The following GAP43 variants were observed in gnomAD, a reference collection of about 807,000 sequenced individuals.
GAP43 encodes the protein growth associated protein 43.
A neutral mutation model predicts 18.6 loss-of-function variants in GAP43; 6 were observed. The ratio of observed to expected loss-of-function variants is 0.32; its 90% CI spans 0.18 to 0.64. The LOEUF is 0.64. Among genes scored for constraint, GAP43 ranks in the 30% least tolerant of loss-of-function variants. GAP43 has a pLI of 0.78. For missense variants in GAP43, 292 were observed against 295.5 expected (o/e 0.99, Z 0.09); for synonymous variants, 115 against 111.4 (o/e 1.03, Z -0.20).
intron 1 of GAP43, among the ~76,000 whole-genome samples, chr3:115,663,182 G>A (rs997744686): frequency 2.0e-5 from 3 of 152,048 alleles, no homozygotes; most frequent in East Asian, 1.9e-4. Flanking sequence ...CAATTTGTAC[G>A]GCATGCGTGA....
chr3:115,640,896 TTC>T (rs1576979181), intron 1 of GAP43, among the ~76,000 whole-genome samples: 1 of 151,736 alleles, frequency 6.6e-6, no homozygotes, highest in Non-Finnish European at 1.5e-5. Context: ...TTCTCTTTCT[TTC>T]TCTTTTTTCT....
chr3:115,653,373 C>T (rs770144018), intron 1 of GAP43, among the ~76,000 whole-genome samples: 22 of 152,044 alleles, frequency 1.4e-4, no homozygotes, highest in South Asian at 2.1e-4. Context: ...ACCTAGGAGG[C>T]GGAGGGTGCA....
intron 2 of GAP43, among the ~76,000 whole-genome samples, chr3:115,707,093 CT>C (rs1709374121): frequency 6.6e-6 from 1 of 151,944 alleles, no homozygotes; most frequent in Non-Finnish European, 1.5e-5. Flanking sequence ...TGTTAGGTCC[CT>C]TCTAGTCATA....
intron 2 of GAP43, among the ~76,000 whole-genome samples, chr3:115,713,313 G>A (rs1709464352): frequency 6.6e-6 from 1 of 152,212 alleles, no homozygotes; most frequent in African/African-American, 2.4e-5. Context: ...GCCCCAGGAT[G>A]ATAGCAGCTT....
intron 2 of GAP43, among the ~76,000 whole-genome samples, chr3:115,677,642 A>G (rs1016422111): frequency 1.1e-4 from 17 of 152,176 alleles, no homozygotes; most frequent in African/African-American, 3.9e-4. Flanking sequence ...TCAAAGATAA[A>G]GTTTCTTCTG....
chr3:115,669,628 A>G (rs1350838254), intron 1 of GAP43, among the ~76,000 whole-genome samples: 1 of 152,164 alleles, frequency 6.6e-6, no homozygotes, highest in South Asian at 2.1e-4. Flanking sequence ...AAAGAAAACA[A>G]CTTTTCAGAC....
intron 1 of GAP43, among the ~76,000 whole-genome samples, chr3:115,675,475 C>G (rs999949389): frequency 6.6e-6 from 1 of 152,006 alleles, no homozygotes; most frequent in Non-Finnish European, 1.5e-5. Flanking sequence ...GAAAATAATG[C>G]CAGTGGCCAG....
intron 1 of GAP43, among the ~76,000 whole-genome samples, chr3:115,645,978 T>C (rs28370257): frequency 4.6e-4 from 70 of 152,208 alleles, no homozygotes; most frequent in Non-Finnish European, 7.1e-4. Context: ...TTGTCACTTA[T>C]TGGAACTTTG....
intron 2 of GAP43, among the ~76,000 whole-genome samples, chr3:115,690,551 G>A (rs1709096044): frequency 6.6e-6 from 1 of 152,026 alleles, no homozygotes; most frequent in South Asian, 2.1e-4. Context: ...ATAAGATAGA[G>A]ATTAAAATGT....
At chr3:115,691,037 G>A (rs775432958) in intron 2 of GAP43, among the ~76,000 whole-genome samples, 5 of 151,940 alleles carry the variant, frequency 3.3e-5, no homozygotes, top group Non-Finnish European at 5.9e-5. Flanking sequence ...TTACAGGCAT[G>A]AGCCACTGCG....
chr3:115,712,691 G>C (rs1396642665), intron 2 of GAP43, among the ~76,000 whole-genome samples: 1 of 152,162 alleles, frequency 6.6e-6, no homozygotes, highest in Non-Finnish European at 1.5e-5. Context: ...GAAAGGAAAA[G>C]CATCTTCTCT....
chr3:115,720,569 C>G (rs1329373521), intron 2 of GAP43, among the ~76,000 whole-genome samples: 2 of 152,124 alleles, frequency 1.3e-5, no homozygotes, highest in Non-Finnish European at 2.9e-5. Context: ...ACTCACATAC[C>G]TTTGCTCCTG....
chr3:115,718,305 A>G (rs1017134887), intron 2 of GAP43, among the ~76,000 whole-genome samples: 2 of 152,192 alleles, frequency 1.3e-5, no homozygotes, highest in Non-Finnish European at 2.9e-5. Context: ...GCATACTTGT[A>G]ATATCCAAAG....
rs906868711 is a variant in GAP43, at chr3:115,683,931, A to T, written c.628+7321A>T. ...GAAATGGGCTATTGAACGTCCCGAG[A>T]AAAGGTGGTATGGAAGATATACAAG... On this transcript the variant is annotated intron_variant, in intron 2 of 2. Coordinates refer to ENST00000305124, the MANE Select transcript of GAP43 (RefSeq NM_002045.4). Among the ~76,000 whole-genome samples, 15 of 152,208 alleles carry T rather than the reference A, an allele frequency of 9.9e-5. No homozygotes were observed. In the East Asian group the frequency reaches 1.9e-3, roughly 20 times the overall value.
At chr3:115,650,072 C>T (rs1215168360) in intron 1 of GAP43, among the ~76,000 whole-genome samples, 1 of 152,158 alleles carries the variant, frequency 6.6e-6, no homozygotes, top group Non-Finnish European at 1.5e-5. Flanking sequence ...ACACTTCATT[C>T]ACAAGCTCCT....
rs1410569395 is a variant in GAP43, at chr3:115,644,295, C to T, written c.30+20576C>T. ...GGGGAAATGCTTGCTTTGCCACTGG[C>T]ACCATGTGGCTTTGAGTGATTATTG... On this transcript the variant is annotated intron_variant, in intron 1 of 2. Transcript: ENST00000305124. This position sits in a 1 kb window ranked among gnomAD's most constrained non-coding sequence, Gnocchi z 4.2. Among the ~76,000 whole-genome samples, 1 of 151,960 alleles carries T rather than the reference C, an allele frequency of 6.6e-6. No individual in the cohort carries two copies. The highest frequency in any genetic ancestry group is 1.9e-4 in the East Asian group (1 of 5,182).
chr3:115,662,010 G>A (rs1268833942), intron 1 of GAP43, among the ~76,000 whole-genome samples: 1 of 151,784 alleles, frequency 6.6e-6, no homozygotes, highest in African/African-American at 2.4e-5. Flanking sequence ...TCGGGGGGAA[G>A]GGGAAGGGCA....
intron 2 of GAP43, among the ~76,000 whole-genome samples, chr3:115,709,864 T>TATATATATAC (rs1023390895): frequency 7.6e-5 from 10 of 131,056 alleles, no homozygotes; most frequent in African/African-American, 2.7e-4. Context: ...TATATATATA[T>TATATATATAC]ACACACACAT....
chr3:115,642,738 G>GC (rs1332305779), intron 1 of GAP43, among the ~76,000 whole-genome samples: 2 of 151,982 alleles, frequency 1.3e-5, no homozygotes, highest in African/African-American at 2.4e-5. Flanking sequence ...TTATAACTAT[G>GC]CCTGCCACAT....
Sources: gnomAD v4.1 joint callset for allele counts (sites outside exome capture counted in the v4.1 genomes callset) on GRCh38, gnomAD v4.1.1 for gene constraint, Gnocchi (gnomAD v3.1) non-coding constraint, MANE v1.5 for transcripts, NCBI Gene and HGNC (gene_info 2026-07-23, HGNC 2026-07-21) for gene names.